SNCAIP: variants seen among roughly 807,000 people sequenced by gnomAD.
SNCAIP encodes synuclein alpha interacting protein.
In SNCAIP, 43 loss-of-function variants were observed where a neutral mutation model predicts 86.7. The observed-to-expected ratio is 0.50, with a 90% CI of 0.39 to 0.64. SNCAIP has a LOEUF of 0.64. SNCAIP is among the 30% of genes least tolerant of loss of function. SNCAIP has a pLI of 0.00. For missense variants in SNCAIP, 981 were observed against 1,103.1 expected, an observed-to-expected ratio of 0.89 and a Z score of 1.57; for synonymous variants, 417 against 427.2, an observed-to-expected ratio of 0.98 and a Z score of 0.29.
chr5:122,421,813 A>G (rs1211053146), intron 3 of SNCAIP, among the ~76,000 whole-genome samples: 1 of 152,108 alleles, frequency 6.6e-6, no homozygotes, highest in Non-Finnish European at 1.5e-5. Context: ...GTATAATCAT[A>G]TCTGAGGAGA....
intron 1 of SNCAIP, among the ~76,000 whole-genome samples, chr5:122,390,314 C>T (rs746826477): frequency 8.5e-5 from 13 of 152,118 alleles, no homozygotes; most frequent in Admixed American, 2.0e-4. Context: ...CCTCTGCCGC[C>T]GCTGATGGGG....
At chr5:122,317,842 C>A (rs563401839) in intron 1 of SNCAIP, among the ~76,000 whole-genome samples, 74 of 152,248 alleles carry the variant, frequency 4.9e-4, no homozygotes, top group Non-Finnish European at 6.5e-4. Flanking sequence ...TGACCTTCTC[C>A]CTTTCTTCCT....
intron 6 of SNCAIP, among the ~76,000 whole-genome samples, chr5:122,434,672 A>G (rs1034667459): frequency 6.6e-6 from 1 of 152,096 alleles, no homozygotes; most frequent in African/African-American, 2.4e-5. Context: ...TTCTTACCCA[A>G]CTGGAAAATA....
At chr5:122,438,103 C>T (rs1561770711) in intron 6 of SNCAIP, among the ~76,000 whole-genome samples, 1 of 152,198 alleles carries the variant, frequency 6.6e-6, no homozygotes, top group African/African-American at 2.4e-5. Context: ...CCAGGCTTTA[C>T]TTGCTAAAGA....
intron 6 of SNCAIP, among the ~76,000 whole-genome samples, chr5:122,436,211 TA>T (rs747367983): frequency 1.4e-3 from 203 of 149,842 alleles, no homozygotes; most frequent in Middle Eastern, 0.01. Context: ...TTTTTTTTTT[TA>T]AAAAGAGAGA....
intron 3 of SNCAIP, among the ~76,000 whole-genome samples, chr5:122,417,650 C>T (rs921752584): frequency 2.0e-5 from 3 of 151,972 alleles, no homozygotes; most frequent in Middle Eastern, 6.8e-3. Context: ...TCTTCCTTCC[C>T]TCCTTCCTCC....
chr5:122,447,679 T>G (rs541352226), intron 8 of SNCAIP, among the ~76,000 whole-genome samples: 2 of 152,222 alleles, frequency 1.3e-5, no homozygotes, highest in Non-Finnish European at 2.9e-5. Flanking sequence ...TTAGTTTTTA[T>G]TTTTTTCATT....
chr5:122,369,847 A>C (rs967683522), intron 1 of SNCAIP: 39 of 152,270 alleles, frequency 2.6e-4, no homozygotes, highest in African/African-American at 9.4e-4. Flanking sequence ...TGGGGTTGGC[A>C]TCCAGGCTTC....
chr5:122,343,899 A>C (rs1488444835), intron 1 of SNCAIP, among the ~76,000 whole-genome samples: 1 of 152,212 alleles, frequency 6.6e-6, no homozygotes, highest in African/African-American at 2.4e-5. Flanking sequence ...ACATCAAAAC[A>C]TTAGCTCTGT....
chr5:122,397,094 G>A (rs1770775397), intron 2 of SNCAIP, among the ~76,000 whole-genome samples: 1 of 152,134 alleles, frequency 6.6e-6, no homozygotes, highest in Non-Finnish European at 1.5e-5. Context: ...GGTACAGTCA[G>A]AACCTTGTTT....
intron 3 of SNCAIP, among the ~76,000 whole-genome samples, chr5:122,414,464 CAA>C (rs1206867009): frequency 2.0e-4 from 31 of 152,094 alleles, no homozygotes; most frequent in South Asian, 1.7e-3. Context: ...CTCCTGACCT[CAA>C]GTGATCCGCC....
intron 1 of SNCAIP, among the ~76,000 whole-genome samples, chr5:122,339,438 G>T (rs1442959862): frequency 6.6e-6 from 1 of 152,174 alleles, no homozygotes; most frequent in Admixed American, 6.5e-5. Context: ...TCTTCTACAA[G>T]TGTCAAAAAT....
intron 1 of SNCAIP, among the ~76,000 whole-genome samples, chr5:122,372,286 T>A (rs1764430540): frequency 6.6e-6 from 1 of 152,206 alleles, no homozygotes; most frequent in African/African-American, 2.4e-5. Flanking sequence ...AAGCTATGAT[T>A]TGCAACATTT....
chr5:122,415,737 C>A (rs1775180045), intron 3 of SNCAIP, among the ~76,000 whole-genome samples: 1 of 152,196 alleles, frequency 6.6e-6, no homozygotes, highest in South Asian at 2.1e-4. Context: ...CGGCCAGAAG[C>A]CATACTGAGC....
intron 6 of SNCAIP, among the ~76,000 whole-genome samples, chr5:122,432,516 A>G (rs1222399934): frequency 1.3e-5 from 2 of 152,108 alleles, no homozygotes; most frequent in Middle Eastern, 3.2e-3. Context: ...TATTTTTTTA[A>G]TTTTTCAGTA....
chr5:122,345,819 C>T (rs1758514702), intron 1 of SNCAIP, among the ~76,000 whole-genome samples: 1 of 139,144 alleles, frequency 7.2e-6, no homozygotes, highest in South Asian at 2.3e-4. Flanking sequence ...TGCCACCGTG[C>T]CTGACATTTT....
chr5:122,370,593 A>G (rs1227322690), intron 1 of SNCAIP, among the ~76,000 whole-genome samples: 2 of 152,150 alleles, frequency 1.3e-5, no homozygotes, highest in Non-Finnish European at 2.9e-5. Context: ...CTTCTGTTTC[A>G]TAGTTATCAA....
intron 6 of SNCAIP, among the ~76,000 whole-genome samples, chr5:122,434,627 G>A (rs1779024308): frequency 6.6e-6 from 1 of 152,100 alleles, no homozygotes; most frequent in African/African-American, 2.4e-5. Flanking sequence ...ATACAGCTCT[G>A]AGGGGGGCAG....
chr5:122,367,062 C>T (rs924512310), intron 1 of SNCAIP, among the ~76,000 whole-genome samples: 3 of 151,980 alleles, frequency 2.0e-5, no homozygotes, highest in African/African-American at 7.2e-5. Flanking sequence ...AGGGATGGTA[C>T]CCAAGTCTGT....
Sources: allele counts gnomAD v4.1 joint callset (sites outside exome capture counted in the v4.1 genomes callset), GRCh38; gene constraint gnomAD v4.1.1; transcripts MANE v1.5; gene names NCBI Gene and HGNC (gene_info 2026-07-23, HGNC 2026-07-21).